The following CXXC4 variants were observed in gnomAD, a reference collection of about 807,000 sequenced individuals.
CXXC4 encodes CXXC-type zinc finger protein 4.
Under a neutral mutation model 20.5 loss-of-function variants are expected in CXXC4, and 5 were observed. The observed-to-expected ratio is 0.24, with a 90% CI of 0.13 to 0.51. CXXC4 has a LOEUF of 0.51. Among genes scored for constraint, CXXC4 ranks in the 20% least tolerant of loss-of-function variants. The pLI is 0.97. For missense variants in CXXC4, 419 were observed against 496.4 expected, an observed-to-expected ratio of 0.84 and a Z score of 1.48; for synonymous variants, 250 against 216.4, an observed-to-expected ratio of 1.16 and a Z score of -1.36.
chr4:104,484,260 T>C (rs1028420209), intron 2 of CXXC4, among the ~76,000 whole-genome samples: 7 of 152,006 alleles, frequency 4.6e-5, no homozygotes, highest in African/African-American at 1.7e-4. Flanking sequence ...TTTCATCTTA[T>C]TGATGAGGAA....
intron 1 of CXXC4, among the ~76,000 whole-genome samples, chr4:104,493,831 T>A (rs1736970852): frequency 6.6e-6 from 1 of 152,224 alleles, no homozygotes; most frequent in Non-Finnish European, 1.5e-5. Context: ...ACATTGTAAC[T>A]GCAAGACCAT....
At chr4:104,494,381 A>T (rs892979363) in intron 1 of CXXC4, 2 of 152,184 alleles carry the variant, frequency 1.3e-5, no homozygotes, top group African/African-American at 4.8e-5. Flanking sequence ...ACTAATTAAT[A>T]AATTAATACA....
chr4:104,490,690 G>T, intron 2 of CXXC4, 54 bp downstream of exon 2: 1 of 1,440,334 alleles, frequency 6.9e-7, no homozygotes, highest in Non-Finnish European at 9.6e-7. Context: ...GAAGGGGAGA[G>T]GGAGTGAGGA....
intron 2 of CXXC4, among the ~76,000 whole-genome samples, chr4:104,477,054 C>T (rs1003630094): frequency 5.3e-5 from 8 of 152,120 alleles, no homozygotes; most frequent in Non-Finnish European, 7.4e-5. Context: ...ATACTGGAAA[C>T]CTCCACTGCA....
At position 104,491,154 on chromosome 4, in the gene CXXC4, G is replaced by A; in HGVS notation, c.649C>T (p.Leu217Phe). 6.2e-7 allele frequency: 1 copy of A among 1,614,040 alleles called. No individual in the cohort carries two copies. Residue 217 changes from leucine to phenylalanine, a missense_variant, in exon 2 of 3, where the codon CTC becomes TTC. By Grantham distance (22) the Leu-to-Phe change is conservative (BLOSUM62 0). Around this residue, in one of 3 missense-constraint regions of CXXC4, gnomAD observed 388 missense variants for 416.0 expected, o/e 0.93. Coordinates refer to ENST00000394767, the MANE Select transcript of CXXC4 (RefSeq NM_025212.4). ...TCTGCTTCAGCAGCGCCGCATTTGA[G>A]CTTGTTCATGCATTCCCCCGCCAAA... ...RPLAGECMNK[L>F]KCGAAEAEIM...
intron 2 of CXXC4, among the ~76,000 whole-genome samples, chr4:104,482,282 G>C (rs1361360546): frequency 6.6e-6 from 1 of 151,870 alleles, no homozygotes; most frequent in Non-Finnish European, 1.5e-5. Flanking sequence ...CATGTGAAAA[G>C]AATCACATGA....
At chr4:104,482,340 T>C (rs1736577178) in intron 2 of CXXC4, among the ~76,000 whole-genome samples, 1 of 152,144 alleles carries the variant, frequency 6.6e-6, no homozygotes. Flanking sequence ...ACTCTACATA[T>C]AGCAGCATTA....
At chr4:104,482,589 G>T (rs1401799687) in intron 2 of CXXC4, among the ~76,000 whole-genome samples, 2 of 152,038 alleles carry the variant, frequency 1.3e-5, no homozygotes, top group Non-Finnish European at 2.9e-5. Flanking sequence ...TGCCAATAGA[G>T]AAGTTATTCC....
At position 104,491,609 on chromosome 4, in the gene CXXC4, C is replaced by T. The variant is rs1329552824; in HGVS notation, c.194G>A (p.Arg65His). The T allele has an allele frequency of 6.5e-7, 1 of 1,541,290 alleles. No homozygotes were observed. Among genetic ancestry groups the T allele is most frequent in the Admixed American group, 2.0e-5 (1 of 50,060 alleles). ...GCTGGGGAAGATGGGGGTGGTGATG[C>T]GCGCGATCTTGGCCGCCTGTGGGAA... ...GAFPQAAKIA[R>H]ITTPIFPSSA... Residue 65 changes from arginine to histidine, a missense_variant, in exon 2 of 3, where the codon CGC becomes CAC. Around this residue, in one of 3 missense-constraint regions of CXXC4, gnomAD observed 388 missense variants for 416.0 expected, o/e 0.93. Coordinates refer to ENST00000394767, the MANE Select transcript of CXXC4 (RefSeq NM_025212.4).
chr4:104,486,879 C>T (rs1736711707), intron 2 of CXXC4, among the ~76,000 whole-genome samples: 1 of 152,168 alleles, frequency 6.6e-6, no homozygotes, highest in African/African-American at 2.4e-5. Context: ...ACAGATGGTG[C>T]TTTGTCCAGA....
intron 2 of CXXC4, 119 bp from the exon 3 acceptor site, chr4:104,472,485 G>A: frequency 1.8e-6 from 1 of 564,992 alleles, no homozygotes; most frequent in Non-Finnish European, 3.1e-6. Flanking sequence ...ATAATGACTT[G>A]TATATTTCAA....
At chr4:104,474,886 A>G (rs1736364560) in intron 2 of CXXC4, among the ~76,000 whole-genome samples, 1 of 152,020 alleles carries the variant, frequency 6.6e-6, no homozygotes, top group African/African-American at 2.4e-5. Context: ...CTCTTTTCCA[A>G]TTCTCGCTCT....
Position 104,472,299 on chromosome 4 carries a change from T to G in CXXC4, c.*23A>C. ...GTTTGCCCTTCATTTCCAAATGCCT[T>G]GAAAATAAGATATACTACTGCTTTA... is the stretch of plus-strand genomic sequence containing the variant. On this transcript the variant is annotated 3_prime_UTR_variant, in exon 3 of 3. Coordinates refer to ENST00000394767, the MANE Select transcript of CXXC4 (RefSeq NM_025212.4). The G allele has an allele frequency of 6.4e-7, 1 of 1,556,176 alleles. No individual in the cohort carries two copies. The highest frequency in any genetic ancestry group is 1.2e-5 in the South Asian group (1 of 83,654).
intron 2 of CXXC4, among the ~76,000 whole-genome samples, chr4:104,477,315 C>T (rs747865649): frequency 3.2e-4 from 49 of 151,766 alleles, no homozygotes; most frequent in Non-Finnish European, 4.6e-4. Context: ...ATTTGATTCA[C>T]GAAGAATGCT....
intron 1 of CXXC4, among the ~76,000 whole-genome samples, chr4:104,493,198 ATT>A (rs1026242307): frequency 1.3e-5 from 2 of 152,190 alleles, no homozygotes; most frequent in African/African-American, 4.8e-5. Context: ...AGGAAGAGGT[ATT>A]TTAGTTGTTT....
In CXXC4 at chr4:104,469,042, G is replaced by A. The variant is rs996184781; in HGVS notation, c.*3280C>T. The stretch of plus-strand genomic sequence containing the variant: ...TAAATGTGTTTAGAAGAAGGAAATT[G>A]AGTGTTGGGAATTAAGCAACCAGGA... On this transcript the variant is annotated 3_prime_UTR_variant, in exon 3 of 3. Coordinates refer to ENST00000394767, the MANE Select transcript of CXXC4 (RefSeq NM_025212.4). The A allele has an allele frequency of 7.2e-5, 11 of 151,996 alleles. No individual in the cohort carries two copies. The highest frequency in any genetic ancestry group is 1.2e-4 in the Non-Finnish European group (8 of 67,982). The allele number at this position is 151,996 out of a possible 1,614,324, so 9.4% of individuals were successfully genotyped here.
chr4:104,471,274 A>G lies in CXXC4; in HGVS notation c.*1048T>C, dbSNP rs1736267215. 1 of 152,056 alleles carries G rather than the reference A, an allele frequency of 6.6e-6. No homozygotes were observed. The highest frequency in any genetic ancestry group is 1.5e-5 in the Non-Finnish European group (1 of 67,974). The allele number at this position is 152,056 out of a possible 1,614,324, so 9.4% of individuals were successfully genotyped here. On this transcript the variant is annotated 3_prime_UTR_variant, in exon 3 of 3. Transcript: ENST00000394767. ...TTAATATCATACATGAAGTTAAAAC[A>G]TTGGGGTAGTTTTTATTAAGATTTT... is the stretch of plus-strand genomic sequence containing the variant.
rs768536907 is a variant in CXXC4 at position 104,490,733 on chromosome 4, TCTC to T, written c.1059+8_1059+10del. ...GGGGAGACTGGGAAACAAGAAATCA[TCTC>T]CTCTGACCTCTAGTGAAGTGCCAGG... On this transcript the variant is annotated splice_region_variant and intron_variant, in intron 2 of 2. Transcript: ENST00000394767. 1.3e-5 allele frequency: 20 copies of T among 1,593,716 alleles called. No homozygotes were observed. Among genetic ancestry groups the T allele is most frequent in the Admixed American group, 6.9e-5 (4 of 57,862 alleles).
At chr4:104,486,197 G>A (rs1413905610) in intron 2 of CXXC4, among the ~76,000 whole-genome samples, 5 of 152,020 alleles carry the variant, frequency 3.3e-5, no homozygotes, top group Admixed American at 6.6e-5. Flanking sequence ...TTTTCATTTA[G>A]GAAGTATTAA....
Sources: allele counts gnomAD v4.1 joint callset (sites outside exome capture counted in the v4.1 genomes callset), GRCh38; gene constraint gnomAD v4.1.1; regional missense constraint gnomAD v4.1.1; transcripts MANE v1.5; gene names NCBI Gene and HGNC (gene_info 2026-07-23, HGNC 2026-07-21).